TMPRSS15: variants seen among roughly 807,000 people sequenced by gnomAD.
TMPRSS15 encodes transmembrane serine protease 15.
A neutral mutation model predicts 125.3 loss-of-function variants in TMPRSS15; 128 were observed. The ratio of observed to expected loss-of-function variants is 1.02; its 90% confidence interval spans 0.89 to 1.18. The LOEUF is 1.18. TMPRSS15 is among the 50% of genes most tolerant of loss of function. TMPRSS15 has a pLI of 0.00. For synonymous variants in TMPRSS15, 446 were observed against 423.2 expected (o/e 1.05, Z -0.66); for missense variants, 1,283 against 1,212.7 (o/e 1.06, Z -0.86).
At chr21:18,452,275 G>T (rs947104703) in intron 1 of TMPRSS15, among the ~76,000 whole-genome samples, 2 of 152,012 alleles carry the variant, frequency 1.3e-5, no homozygotes, top group African/African-American at 4.8e-5. Context: ...CACCACAAAG[G>T]TTTAAGGAAT....
chr21:18,419,059 C>G (rs1020693516), intron 1 of TMPRSS15, among the ~76,000 whole-genome samples: 2 of 152,192 alleles, frequency 1.3e-5, no homozygotes, highest in Non-Finnish European at 2.9e-5. Context: ...CTGGTAGAAA[C>G]AGCCAACTTT....
chr21:18,345,740 C>CAAA (rs1235619873), intron 10 of TMPRSS15, among the ~76,000 whole-genome samples: 291 of 15,556 alleles, frequency 0.019, 42 homozygotes, highest in African/African-American at 0.042. Context: ...GACTCCGTCT[C>CAAA]AAAAAAAAAA....
intron 1 of TMPRSS15, among the ~76,000 whole-genome samples, chr21:18,451,915 A>G (rs542868789): frequency 8.5e-4 from 129 of 152,302 alleles, no homozygotes; most frequent in African/African-American, 2.6e-3. Context: ...AATTTTATGC[A>G]TGCATAATTT....
At chr21:18,295,071 G>C (rs1197900787) in intron 19 of TMPRSS15, among the ~76,000 whole-genome samples, 2 of 152,188 alleles carry the variant, frequency 1.3e-5, no homozygotes, top group African/African-American at 4.8e-5. Flanking sequence ...CTATAACACA[G>C]AGTATGCCTC....
At chr21:18,321,912 TC>T (rs2075242912) in intron 16 of TMPRSS15, among the ~76,000 whole-genome samples, 1 of 152,090 alleles carries the variant, frequency 6.6e-6, no homozygotes, top group Non-Finnish European at 1.5e-5. Flanking sequence ...GAAACCACAC[TC>T]CCCATGTATT....
chr21:18,333,692 A>G (rs2075365929), intron 13 of TMPRSS15, among the ~76,000 whole-genome samples: 1 of 152,224 alleles, frequency 6.6e-6, no homozygotes, highest in African/African-American at 2.4e-5. Flanking sequence ...AACATTGCGC[A>G]GAAGCCAGGT....
At chr21:18,419,773 C>A (rs1241620617) in intron 1 of TMPRSS15, among the ~76,000 whole-genome samples, 1 of 152,160 alleles carries the variant, frequency 6.6e-6, no homozygotes, top group Non-Finnish European at 1.5e-5. Context: ...GAAAATACAT[C>A]CTGCCCTGGT....
In TMPRSS15 at chr21:18,436,806, G is replaced by A. The variant is rs533409582; in HGVS notation, c.11-38477C>T. Among the ~76,000 whole-genome samples the A allele has an allele frequency of 8.2e-3, 791 of 96,142 alleles. 26 individuals are homozygous for A. The highest frequency in any genetic ancestry group is 0.029 in the African/African-American group (737 of 25,004). The allele number at this position is 96,142 out of a possible 152,430, so 63.1% of individuals were successfully genotyped here. A position where few individuals can be genotyped will look rare whatever the true frequency, so the allele number is the denominator to read the frequency against. On this transcript the variant is annotated intron_variant, in intron 1 of 7. Transcript: ENST00000422787. ...AAATAAAAGAGGATACAAACAAATG[G>A]AAGAACATTCCATGCTCATGGGTAG...
At chr21:18,318,466 G>C (rs1224960456) in intron 16 of TMPRSS15, among the ~76,000 whole-genome samples, 1 of 152,102 alleles carries the variant, frequency 6.6e-6, no homozygotes, top group Non-Finnish European at 1.5e-5. Flanking sequence ...GGAACGATGG[G>C]AAGATGGGGA....
chr21:18,313,592 G>A (rs17002548), intron 17 of TMPRSS15, among the ~76,000 whole-genome samples: 3,663 of 151,766 alleles, frequency 0.024, 122 homozygotes, highest in African/African-American at 0.084. Context: ...AGTAAATTAT[G>A]GCCTCTAAAC....
intron 1 of TMPRSS15, among the ~76,000 whole-genome samples, chr21:18,462,308 ATTGT>A (rs1325717463): frequency 6.6e-6 from 1 of 152,136 alleles, no homozygotes; most frequent in Non-Finnish European, 1.5e-5. Context: ...ATTAATTATA[ATTGT>A]TTGTTTCTAC....
intron 6 of TMPRSS15, among the ~76,000 whole-genome samples, chr21:18,370,275 G>A (rs1250223474): frequency 6.6e-6 from 1 of 151,990 alleles, no homozygotes; most frequent in Non-Finnish European, 1.5e-5. Context: ...ATTTTTATAT[G>A]CACTGATATT....
intron 12 of TMPRSS15, among the ~76,000 whole-genome samples, chr21:18,342,249 T>A (rs1283086482): frequency 6.6e-6 from 1 of 152,254 alleles, no homozygotes; most frequent in Non-Finnish European, 1.5e-5. Flanking sequence ...AAATTGAATG[T>A]CTGCTATATG....
intron 13 of TMPRSS15, among the ~76,000 whole-genome samples, chr21:18,337,633 C>G (rs1464889037): frequency 6.6e-6 from 1 of 152,118 alleles, no homozygotes; most frequent in East Asian, 1.9e-4. Context: ...CTTACATTTC[C>G]TCAGACTAGG....
intron 1 of TMPRSS15, among the ~76,000 whole-genome samples, chr21:18,410,723 G>C (rs2076163972): frequency 6.6e-6 from 1 of 151,830 alleles, no homozygotes; most frequent in Non-Finnish European, 1.5e-5. Flanking sequence ...TTTTTTGACT[G>C]GTTTGAAACC....
chr21:18,331,059 C>T (rs1383905578), intron 14 of TMPRSS15, among the ~76,000 whole-genome samples: 5 of 123,522 alleles, frequency 4.0e-5, no homozygotes, highest in Non-Finnish European at 7.9e-5. Flanking sequence ...GGCGACAGAG[C>T]GAGACTCCAT....
intron 18 of TMPRSS15, among the ~76,000 whole-genome samples, chr21:18,303,721 T>C (rs1017151151): frequency 6.6e-6 from 1 of 152,202 alleles, no homozygotes; most frequent in Non-Finnish European, 1.5e-5. Context: ...ACATTACAGA[T>C]AATTTTTGGC....
intron 16 of TMPRSS15, among the ~76,000 whole-genome samples, chr21:18,325,688 C>CCGGAA (rs2075281497): frequency 6.6e-6 from 1 of 151,942 alleles, no homozygotes; most frequent in African/African-American, 2.4e-5. Flanking sequence ...GAAAGAACCA[C>CCGGAA]TGAGTTGCCG....
intron 1 of TMPRSS15, among the ~76,000 whole-genome samples, chr21:18,421,560 G>A (rs1157653581): frequency 6.6e-6 from 1 of 152,128 alleles, no homozygotes; most frequent in Non-Finnish European, 1.5e-5. Context: ...GTTGTAACCA[G>A]TGTTTTAATT....
Sources: allele counts gnomAD v4.1 joint callset (sites outside exome capture counted in the v4.1 genomes callset), GRCh38; gene constraint gnomAD v4.1.1; transcripts MANE v1.5; gene names NCBI Gene and HGNC (gene_info 2026-07-23, HGNC 2026-07-21).